The following CPS1 variants were observed in gnomAD, a reference collection of about 807,000 sequenced individuals.
The protein encoded by CPS1 is carbamoyl-phosphate synthase [ammonia], mitochondrial.
In CPS1, 109 loss-of-function variants were observed where a neutral mutation model predicts 174.6. The ratio of observed to expected loss-of-function variants is 0.62; its 90% confidence interval spans 0.53 to 0.73. CPS1 has a LOEUF of 0.73. CPS1 is among the 30% of genes least tolerant of loss of function. The pLI, the probability that CPS1 is intolerant of heterozygous loss-of-function variation, is 0.00. For synonymous variants in CPS1, 637 were observed against 632.0 expected (o/e 1.01, Z -0.12); for missense variants, 1,689 against 1,821.9 (o/e 0.93, Z 1.33).
chr2:210,587,337 C>T (rs1038072538), intron 6 of CPS1, among the ~76,000 whole-genome samples: 2 of 152,022 alleles, frequency 1.3e-5, no homozygotes, highest in African/African-American at 4.8e-5. Flanking sequence ...GTGTGCCCAC[C>T]CTTCTAGGCT....
chr2:210,654,243 C>A (rs1337515714), intron 29 of CPS1, 141 bp downstream of exon 29: 3 of 735,192 alleles, frequency 4.1e-6, no homozygotes, highest in Non-Finnish European at 7.1e-6. Flanking sequence ...TAAAAAAAAT[C>A]AAATTCTCTG....
intron 1 of CPS1, among the ~76,000 whole-genome samples, chr2:210,529,074 G>A (rs1696049125): frequency 6.6e-6 from 1 of 151,860 alleles, no homozygotes; most frequent in Non-Finnish European, 1.5e-5. Context: ...TTTAAAGGGA[G>A]TTATAGTGAA....
chr2:210,656,677 G>T, intron 30 of CPS1, 45 bp downstream of exon 30: 14 of 1,192,146 alleles, frequency 1.2e-5, no homozygotes, highest in Non-Finnish European at 1.7e-5. Flanking sequence ...GCAACACTCA[G>T]AAAAAAACAC....
chr2:210,551,371 G>A (rs927968158), intron 1 of CPS1, among the ~76,000 whole-genome samples: 4 of 151,964 alleles, frequency 2.6e-5, no homozygotes, highest in African/African-American at 4.8e-5. Flanking sequence ...TTTAGCAAAT[G>A]TGTATGCACA....
Position 210,642,533 on chromosome 2 carries a change from G to T in CPS1, c.3009G>T (p.Leu1003=). ...GTGCTGTCTCTAGTATCCGCACACT[G>T]CGTCAACTTGGCAAGAAGACGGTGG... ...DWCAVSSIRT[L]RQLGKKTVVV... is the part of the protein sequence containing the mutation. Residue 1003 remains leucine (L), a synonymous_variant, in exon 25 of 38, where the codon CTG becomes CTT. Coordinates refer to ENST00000233072, the MANE Select transcript of CPS1 (RefSeq NM_001875.5). The T allele has an allele frequency of 6.2e-7, 1 of 1,613,984 alleles. No homozygotes were observed. Among genetic ancestry groups the T allele is most frequent in the African/African-American group, 1.3e-5 (1 of 75,032 alleles).
intron 5 of CPS1, among the ~76,000 whole-genome samples, chr2:210,580,864 A>G (rs1697901316): frequency 6.6e-6 from 1 of 151,844 alleles, no homozygotes; most frequent in African/African-American, 2.4e-5. Flanking sequence ...GTCTCAAAAA[A>G]AAAAAAAAAA....
intron 17 of CPS1, among the ~76,000 whole-genome samples, chr2:210,605,939 T>G (rs1034522921): frequency 6.6e-6 from 1 of 151,846 alleles, no homozygotes; most frequent in Non-Finnish European, 1.5e-5. Context: ...GAAGTATTAC[T>G]GTTGAAGATA....
chr2:210,539,950 T>A (rs1436172930), intron 1 of CPS1, among the ~76,000 whole-genome samples: 1 of 152,174 alleles, frequency 6.6e-6, no homozygotes. Context: ...GCTGCTGTCA[T>A]TTCTACTACA....
At chr2:210,638,933 A>G (rs938166505) in intron 22 of CPS1, among the ~76,000 whole-genome samples, 2 of 152,174 alleles carry the variant, frequency 1.3e-5, no homozygotes, top group Non-Finnish European at 2.9e-5. Context: ...CTAGTGATCC[A>G]ATGCCCTGTT....
chr2:210,550,785 G>A (rs1470567775), intron 1 of CPS1, among the ~76,000 whole-genome samples: 2 of 151,424 alleles, frequency 1.3e-5, no homozygotes, highest in East Asian at 3.9e-4. Context: ...TTCTATTGAG[G>A]GGTCTTTCTT....
intron 6 of CPS1, among the ~76,000 whole-genome samples, chr2:210,587,186 G>A (rs1698138873): frequency 6.6e-6 from 1 of 151,980 alleles, no homozygotes. Flanking sequence ...TACAGACTTA[G>A]TGGAGAGGTA....
intron 1 of CPS1, among the ~76,000 whole-genome samples, chr2:210,547,794 C>T (rs2106021910): frequency 6.6e-6 from 1 of 152,008 alleles, no homozygotes; most frequent in East Asian, 1.9e-4. Context: ...GGAAAATGTG[C>T]AATTCTATTT....
intron 1 of CPS1, among the ~76,000 whole-genome samples, chr2:210,560,911 A>G (rs1697077257): frequency 6.6e-6 from 1 of 152,144 alleles, no homozygotes; most frequent in African/African-American, 2.4e-5. Context: ...ACATTTTAGG[A>G]CGGATTTCAT....
chr2:210,580,858 CAAAAA>C (rs369186272), intron 5 of CPS1, among the ~76,000 whole-genome samples: 1 of 95,314 alleles, frequency 1.0e-5, no homozygotes, highest in Non-Finnish European at 2.3e-5. Flanking sequence ...GACCCTGTCT[CAAAAA>C]AAAAAAAAAA....
intron 34 of CPS1, 130 bp from the exon 35 acceptor site, chr2:210,674,770 CTT>C: frequency 1.3e-6 from 1 of 772,408 alleles, no homozygotes; most frequent in Non-Finnish European, 2.3e-6. Context: ...AAGGATAAAA[CTT>C]GTCATTTTTT....
rs570480218 is a variant in CPS1, at chr2:210,478,797, T to A, written c.3+1031T>A. ...TTCTGAAGATGATGTGAAGCATGCG[T>A]CTAAACGGAAGGGAAGTAGAATTAT... On this transcript the variant is annotated intron_variant, in intron 1 of 38. Transcript: ENST00000430249. Among the ~76,000 whole-genome samples the A allele has an allele frequency of 5.3e-5, 8 of 152,264 alleles. No individual in the cohort carries two copies. In the East Asian group the frequency reaches 1.5e-3, roughly 29 times the overall value.
At chr2:210,652,670 G>T (rs1045781323) in intron 28 of CPS1, among the ~76,000 whole-genome samples, 1 of 152,142 alleles carries the variant, frequency 6.6e-6, no homozygotes, top group African/African-American at 2.4e-5. Context: ...CCTTTTGAAT[G>T]TGAACTGCCT....
chr2:210,592,703 T>C (rs1366119049), intron 10 of CPS1, among the ~76,000 whole-genome samples, 176 bp from the exon 11 acceptor site: 2 of 152,034 alleles, frequency 1.3e-5, no homozygotes, highest in Non-Finnish European at 2.9e-5. Context: ...AGGTCAGATA[T>C]GTAAGTCCTT....
intron 21 of CPS1, among the ~76,000 whole-genome samples, chr2:210,629,310 A>G (rs533891850): frequency 6.6e-6 from 1 of 152,208 alleles, no homozygotes; most frequent in East Asian, 1.9e-4. Flanking sequence ...TGGTATCAGC[A>G]TCCTTTTTTT....
Sources: allele counts gnomAD v4.1 joint callset (sites outside exome capture counted in the v4.1 genomes callset), GRCh38; gene constraint gnomAD v4.1.1; transcripts MANE v1.5; gene names NCBI Gene and HGNC (gene_info 2026-07-23, HGNC 2026-07-21).